The following CFAP47 variants were observed in gnomAD, a reference collection of about 807,000 sequenced individuals.
CFAP47 encodes cilia- and flagella-associated protein 47.
Under a neutral mutation model 148.1 loss-of-function variants are expected in CFAP47, and 29 were observed. The observed-to-expected ratio is 0.20, with a 90% CI of 0.15 to 0.27. The LOEUF is 0.27. CFAP47 is among the 10% of genes least tolerant of loss of function. The pLI is 1.00. For synonymous variants in CFAP47, 664 were observed against 577.3 expected (o/e 1.15, Z -2.15); for missense variants, 1,872 against 1,697.5 (o/e 1.10, Z -1.81).
intron 42 of CFAP47, among the ~76,000 whole-genome samples, chrX:36,196,331 G>A (rs1555987230): frequency 9.0e-6 from 1 of 111,418 alleles, no homozygotes; most frequent in East Asian, 2.8e-4. Flanking sequence ...CCATGTGCCT[G>A]TTTAGCCATC....
chrX:36,107,901 A>G (rs1938491694), intron 33 of CFAP47, among the ~76,000 whole-genome samples: 1 of 110,540 alleles, frequency 9.0e-6, no homozygotes, highest in Non-Finnish European at 1.9e-5. Context: ...CGTGCCTTAC[A>G]CCTCTCCTTC....
chrX:36,219,010 G>T (rs782493768), intron 45 of CFAP47, among the ~76,000 whole-genome samples: 1 of 111,264 alleles, frequency 9.0e-6, no homozygotes, highest in Non-Finnish European at 1.9e-5. Context: ...TGAAGCCTCC[G>T]GATAGCAAGC....
intron 46 of CFAP47, among the ~76,000 whole-genome samples, chrX:36,230,029 G>A (rs1388986990): frequency 1.8e-5 from 2 of 109,449 alleles, no homozygotes; most frequent in African/African-American, 6.7e-5. Context: ...ATTTGGGTTG[G>A]TTCCAAGTCT....
chrX:36,300,629 C>G, intron 52 of CFAP47, among the ~76,000 whole-genome samples: 1 of 111,890 alleles, frequency 8.9e-6, no homozygotes, highest in East Asian at 2.8e-4. Context: ...CTCTGCTTCC[C>G]TGGGAGTTGA....
rs369460351 is a variant in CFAP47 at position 36,085,266 on chromosome X, A to G, written c.4692-48A>G. 3 of 803,622 alleles carry G rather than the reference A, an allele frequency of 3.7e-6. No individual in the cohort carries two copies. The African/African-American group carries it at 6.3e-5, about 17-fold the overall frequency. 66.2% of individuals were successfully genotyped at this position (803,622 alleles called of 1,213,427 possible). A position where few individuals can be genotyped will look rare whatever the true frequency, so the allele number is the denominator to read the frequency against. On this transcript the variant is annotated intron_variant, in intron 29 of 63. Transcript: ENST00000378653. ...TTGAACATGTTTTTTTTTCCCCCAT[A>G]CTATAACATTTTGAGACTGTTTTTA...
intron 57 of CFAP47, among the ~76,000 whole-genome samples, chrX:36,330,240 AT>A (rs200814670): frequency 0.18 from 19,690 of 111,289 alleles, 1,363 homozygotes; most frequent in South Asian, 0.3. Flanking sequence ...TGCTGCATTA[AT>A]ACTGAGTAGC....
chrX:36,341,041 T>TC (rs1941648087), intron 57 of CFAP47, among the ~76,000 whole-genome samples: 1 of 104,114 alleles, frequency 9.6e-6, no homozygotes, highest in Non-Finnish European at 2.0e-5. Flanking sequence ...TCTTTTCTTT[T>TC]TTTTTTTTTT....
At chrX:36,298,529 T>A (rs1045607501) in intron 51 of CFAP47, among the ~76,000 whole-genome samples, 2 of 106,409 alleles carry the variant, frequency 1.9e-5, no homozygotes, top group African/African-American at 7.1e-5. Flanking sequence ...CTGCACAATG[T>A]GCACATGTAC....
rs1375901193 is a variant in CFAP47, at chrX:36,091,993, G to A, written c.4916+6455G>A. ...ACCTGAATATCTGAATCTCCGTTAGGAAATATTTGCCACAAAATACTAGAT... is the reference window on the plus strand; with the variant it reads ...ACCTGAATATCTGAATCTCCGTTAGAAAATATTTGCCACAAAATACTAGAT... On this transcript the variant is annotated intron_variant, in intron 30 of 63. Coordinates refer to ENST00000378653, the MANE Select transcript of CFAP47 (RefSeq NM_001304548.2). Among the ~76,000 whole-genome samples, 3 of 110,763 alleles carry A rather than the reference G, an allele frequency of 2.7e-5. No individual in the cohort carries two copies. The Admixed American group carries it at 2.9e-4, about 11-fold the overall frequency.
At chrX:36,209,379 A>C (rs1454945548) in intron 45 of CFAP47, among the ~76,000 whole-genome samples, 4 of 111,623 alleles carry the variant, frequency 3.6e-5, no homozygotes, top group African/African-American at 1.3e-4. Context: ...GAGGATTGCC[A>C]CAATTGTAAA....
chrX:36,076,433 A>G (rs904818754), intron 29 of CFAP47, among the ~76,000 whole-genome samples: 1 of 102,291 alleles, frequency 9.8e-6, no homozygotes, highest in Non-Finnish European at 2.0e-5. Flanking sequence ...AGCCATTCTG[A>G]CTGGTGTGAG....
intron 15 of CFAP47, among the ~76,000 whole-genome samples, chrX:35,977,444 G>A (rs984692567): frequency 9.0e-6 from 1 of 110,701 alleles, no homozygotes; most frequent in African/African-American, 3.3e-5. Flanking sequence ...TTCCTGAAAC[G>A]ATCCTCAGAG....
At chrX:36,255,926 A>G (rs1330771081) in intron 49 of CFAP47, among the ~76,000 whole-genome samples, 1 of 112,015 alleles carries the variant, frequency 8.9e-6, no homozygotes, top group Non-Finnish European at 1.9e-5. Flanking sequence ...ACCTAGATAT[A>G]AAAACATATA....
At chrX:36,205,252 C>T (rs1940027228) in intron 45 of CFAP47, 142 bp downstream of exon 45, 1 of 281,286 alleles carries the variant, frequency 3.6e-6, no homozygotes, top group Non-Finnish European at 6.2e-6. Context: ...AAGTAAATAC[C>T]AATTATTGAA....
chrX:36,056,721 C>T (rs1253380942), intron 26 of CFAP47, among the ~76,000 whole-genome samples: 2 of 112,488 alleles, frequency 1.8e-5, no homozygotes, highest in Non-Finnish European at 3.8e-5. Flanking sequence ...TATCAGCTAC[C>T]TGCCTCCTTT....
intron 30 of CFAP47, among the ~76,000 whole-genome samples, chrX:36,086,165 C>T (rs954805854): frequency 8.9e-6 from 1 of 111,943 alleles, no homozygotes; most frequent in Non-Finnish European, 1.9e-5. Flanking sequence ...GTCGTAATAT[C>T]TGTGTTCCTC....
intron 15 of CFAP47, chrX:35,985,898 C>A (rs757877535): frequency 1.1e-4 from 35 of 323,241 alleles, no homozygotes; most frequent in Non-Finnish European, 1.4e-4. Flanking sequence ...CTAAGCGGCT[C>A]TCCCTGCCAT....
intron 24 of CFAP47, among the ~76,000 whole-genome samples, chrX:36,036,597 T>A (rs758627582): frequency 8.8e-4 from 99 of 112,003 alleles, no homozygotes; most frequent in African/African-American, 3.2e-3. Context: ...TTGAGGAACG[T>A]TCTCAGAATT....
Position 35,967,753 on chromosome X carries a change from C to T in CFAP47, c.1735C>T (p.Pro579Ser). 1 of 1,208,226 alleles carries T rather than the reference C, an allele frequency of 8.3e-7. No homozygotes were observed. Among genetic ancestry groups the T allele is most frequent in the Non-Finnish European group, 1.1e-6 (1 of 893,364 alleles). ...RTHNHRSCEE[P>S]VKDMLLAFPN... ...TCACAATCATCGCTCATGTGAAGAG[C>T]CAGTGAAGGATATGCTATTAGCCTT... is the stretch of plus-strand genomic sequence containing the variant. The change falls in exon 10 of 64, where the codon CCA (proline) becomes TCA (serine). Residue 579 changes from proline to serine, a missense_variant. Transcript: ENST00000378653.
Sources: allele counts gnomAD v4.1 joint callset (sites outside exome capture counted in the v4.1 genomes callset), GRCh38; gene constraint gnomAD v4.1.1; transcripts MANE v1.5; gene names NCBI Gene and HGNC (gene_info 2026-07-23, HGNC 2026-07-21).